Variants in HS6ST2 observed in about 807,000 individuals in gnomAD.
HS6ST2 encodes the protein heparan-sulfate 6-O-sulfotransferase 2.
HS6ST2 carries 17 observed loss-of-function variants against 33.0 expected under a neutral mutation model. The observed-to-expected ratio is 0.52, with a 90% CI of 0.35 to 0.77. HS6ST2 has a LOEUF of 0.77. Ranked by LOEUF, HS6ST2 falls within the 30% of genes least tolerant of loss-of-function variation. HS6ST2 has a pLI of 0.01. For missense variants in HS6ST2, 519 were observed against 551.7 expected (o/e 0.94, Z 0.59); for synonymous variants, 248 against 237.1 (o/e 1.05, Z -0.42).
At chrX:132,633,191 G>C (rs2148597807) in intron 4 of HS6ST2, among the ~76,000 whole-genome samples, 1 of 110,111 alleles carries the variant, frequency 9.1e-6, no homozygotes, top group South Asian at 4.0e-4. Flanking sequence ...AGAGAAACGT[G>C]CATCAAAAAA....
At chrX:132,853,401 C>T (rs1184005417) in intron 2 of HS6ST2, among the ~76,000 whole-genome samples, 1 of 108,251 alleles carries the variant, frequency 9.2e-6, no homozygotes, top group Non-Finnish European at 1.9e-5. Flanking sequence ...TCAAGCGATC[C>T]TCCTGCCTCA....
intron 2 of HS6ST2, among the ~76,000 whole-genome samples, chrX:132,834,779 GT>G (rs1364638446): frequency 8.9e-6 from 1 of 111,977 alleles, no homozygotes; most frequent in African/African-American, 3.2e-5. Context: ...TGGAAAAGTG[GT>G]TGTACTGAAA....
intron 2 of HS6ST2, among the ~76,000 whole-genome samples, chrX:132,943,140 T>A (rs926595939): frequency 1.8e-5 from 2 of 112,133 alleles, no homozygotes; most frequent in African/African-American, 6.5e-5. Flanking sequence ...TTAAAAGGTG[T>A]TTTTTTAAAA....
rs1008664432 is a variant in HS6ST2 at position 132,654,856 on chromosome X, C to T, written c.1067+14257G>A. ...ACTCCCACTCTTCCTCAAGGAGCCACAGCCAGAACTTTGCTGGAGAGATAA... is the reference window on the plus strand; with the variant it reads ...ACTCCCACTCTTCCTCAAGGAGCCATAGCCAGAACTTTGCTGGAGAGATAA... On this transcript the variant is annotated intron_variant, in intron 4 of 4. Coordinates refer to ENST00000370833, the MANE Select transcript of HS6ST2 (RefSeq NM_001394073.1). Among the ~76,000 whole-genome samples the T allele has an allele frequency of 3.6e-5, 4 of 111,975 alleles. No individual in the cohort carries two copies. The East Asian group carries it at 1.1e-3, about 31-fold the overall frequency.
intron 2 of HS6ST2, among the ~76,000 whole-genome samples, chrX:132,767,026 G>C (rs1245553772): frequency 8.9e-6 from 1 of 111,790 alleles, no homozygotes; most frequent in East Asian, 2.8e-4. Flanking sequence ...TCAACGACCT[G>C]ATTACAAAGG....
chrX:132,940,925 T>C (rs1332730723), intron 2 of HS6ST2, among the ~76,000 whole-genome samples: 1 of 111,760 alleles, frequency 8.9e-6, no homozygotes, highest in Admixed American at 9.5e-5. Context: ...AAATCTGACC[T>C]CTGTGACATT....
intron 4 of HS6ST2, among the ~76,000 whole-genome samples, chrX:132,664,980 C>G (rs1171088094): frequency 8.9e-6 from 1 of 111,802 alleles, no homozygotes; most frequent in East Asian, 2.8e-4. Context: ...TATGAGTTCT[C>G]TATTGCTTCA....
intron 2 of HS6ST2, among the ~76,000 whole-genome samples, chrX:132,883,449 T>C (rs1416338378): frequency 1.8e-5 from 2 of 111,450 alleles, no homozygotes; most frequent in Admixed American, 9.6e-5. Flanking sequence ...TGGTAGTTTG[T>C]ATTTCTGTGG....
chrX:132,860,777 C>CTTTTTT (rs58059164), intron 2 of HS6ST2, among the ~76,000 whole-genome samples: 1 of 52,894 alleles, frequency 1.9e-5, no homozygotes, highest in Admixed American at 2.2e-4. Context: ...GCATGTGTAT[C>CTTTTTT]TTTTTTTTTT....
rs189748372 is a variant in HS6ST2 at position 132,886,238 on chromosome X, G to A, written c.947+70570C>T. Among the ~76,000 whole-genome samples, 381 of 111,621 alleles carry A rather than the reference G, an allele frequency of 3.4e-3. 1 individual carries two copies. The highest frequency in any genetic ancestry group is 0.012 in the African/African-American group (358 of 30,801). ...ATTTTTAAAATCCTCAGTAAGGACA[G>A]AAAAATTATTTTACAAAAGACTAAA... On this transcript the variant is annotated intron_variant, in intron 2 of 4. Transcript: ENST00000370833.
At chrX:132,825,945 CA>C (rs1327259179) in intron 2 of HS6ST2, among the ~76,000 whole-genome samples, 6 of 112,090 alleles carry the variant, frequency 5.4e-5, no homozygotes, top group African/African-American at 1.9e-4. Flanking sequence ...CCTCTTTCCC[CA>C]TCTCAGACAA....
intron 3 of HS6ST2, among the ~76,000 whole-genome samples, chrX:132,674,383 T>C (rs1412596526): frequency 8.9e-6 from 1 of 112,070 alleles, no homozygotes; most frequent in Non-Finnish European, 1.9e-5. Flanking sequence ...GAGGGAATTA[T>C]ACTGATCAGG....
intron 4 of HS6ST2, among the ~76,000 whole-genome samples, chrX:132,660,535 G>C (rs1225050388): frequency 9.0e-6 from 1 of 111,118 alleles, no homozygotes; most frequent in South Asian, 3.8e-4. Flanking sequence ...TTTTCTTCTT[G>C]TTTTTCACTT....
intron 3 of HS6ST2, among the ~76,000 whole-genome samples, chrX:132,704,264 G>T (rs2064169538): frequency 8.9e-6 from 1 of 112,434 alleles, no homozygotes; most frequent in South Asian, 3.7e-4. Flanking sequence ...TCCAAAGAAA[G>T]ACGATTTTGG....
At chrX:132,883,007 G>A (rs2066197314) in intron 2 of HS6ST2, among the ~76,000 whole-genome samples, 1 of 111,421 alleles carries the variant, frequency 9.0e-6, no homozygotes, top group African/African-American at 3.3e-5. Context: ...GCTTTTTGAT[G>A]TGCTGCTGGA....
At chrX:132,914,700 C>T (rs2066567672) in intron 2 of HS6ST2, among the ~76,000 whole-genome samples, 1 of 111,699 alleles carries the variant, frequency 9.0e-6, no homozygotes, top group Admixed American at 9.5e-5. Flanking sequence ...GGGCACAAGG[C>T]CAGAATTCAG....
intron 3 of HS6ST2, among the ~76,000 whole-genome samples, chrX:132,702,140 A>G (rs760805607): frequency 1.8e-5 from 2 of 112,443 alleles, no homozygotes; most frequent in African/African-American, 3.2e-5. Flanking sequence ...AGCATATTGA[A>G]AAGAGATTTT....
At chrX:132,778,305 C>T (rs944559084) in intron 2 of HS6ST2, among the ~76,000 whole-genome samples, 2 of 112,472 alleles carry the variant, frequency 1.8e-5, no homozygotes, top group Admixed American at 9.4e-5. Flanking sequence ...GAATACAACT[C>T]TATTAAATAT....
chrX:132,656,267 G>A (rs1469121638), intron 4 of HS6ST2, among the ~76,000 whole-genome samples: 2 of 110,232 alleles, frequency 1.8e-5, no homozygotes, highest in Non-Finnish European at 3.8e-5. Flanking sequence ...TTGCAGAATT[G>A]AGAAAGGGGA....
Sources: gnomAD v4.1 joint callset for allele counts (sites outside exome capture counted in the v4.1 genomes callset) on GRCh38, gnomAD v4.1.1 for gene constraint, MANE v1.5 for transcripts, NCBI Gene and HGNC (gene_info 2026-07-23, HGNC 2026-07-21) for gene names.